Variants in SPPL3 observed in about 807,000 individuals in gnomAD.
SPPL3 encodes the protein signal peptide peptidase like 3, also known as signal peptide peptidase-like 3.
A neutral mutation model predicts 42.4 loss-of-function variants in SPPL3; 5 were observed. The ratio of observed to expected loss-of-function variants is 0.12; its 90% CI spans 0.06 to 0.25. SPPL3 has a LOEUF of 0.25. Ranked by LOEUF, SPPL3 falls within the 10% of genes least tolerant of loss-of-function variation. The probability of loss-of-function intolerance (pLI) is 1.00; values close to 1 mark genes in which losing one functional copy is unlikely to be tolerated. For missense variants in SPPL3, 235 were observed against 489.0 expected (o/e 0.48, Z 4.90); for synonymous variants, 195 against 181.8 (o/e 1.07, Z -0.58).
chr12:120,898,131 G>A (rs574701370), intron 1 of SPPL3, among the ~76,000 whole-genome samples: 2 of 151,708 alleles, frequency 1.3e-5, no homozygotes, highest in South Asian at 4.2e-4. Context: ...GGCCAATATG[G>A]CAAAACCTCA....
chr12:120,837,267 T>G (rs1871652011), intron 1 of SPPL3, among the ~76,000 whole-genome samples: 1 of 152,228 alleles, frequency 6.6e-6, no homozygotes, highest in Non-Finnish European at 1.5e-5. Context: ...AAGCAATAAT[T>G]GTCCCTTCAA....
At chr12:120,867,312 T>A (rs1297877620) in intron 1 of SPPL3, among the ~76,000 whole-genome samples, 1 of 152,210 alleles carries the variant, frequency 6.6e-6, no homozygotes. Flanking sequence ...GGCAATGACA[T>A]CTGCGACAGC....
At chr12:120,815,354 A>G (rs1453145252) in intron 1 of SPPL3, among the ~76,000 whole-genome samples, 1 of 152,228 alleles carries the variant, frequency 6.6e-6, no homozygotes, top group Non-Finnish European at 1.5e-5. Flanking sequence ...TTGCATTAAA[A>G]TTGTAATTAA....
intron 2 of SPPL3, among the ~76,000 whole-genome samples, chr12:120,803,465 T>C (rs1870392353): frequency 6.6e-6 from 1 of 152,192 alleles, no homozygotes; most frequent in Non-Finnish European, 1.5e-5. Flanking sequence ...TGTGAATTAC[T>C]GGAGGAGAAA....
At chr12:120,883,972 A>G (rs1873369246) in intron 1 of SPPL3, among the ~76,000 whole-genome samples, 1 of 152,022 alleles carries the variant, frequency 6.6e-6, no homozygotes, top group East Asian at 1.9e-4. Context: ...GTGGTGGCGC[A>G]TGCCTCTAAT....
At chr12:120,795,089 A>T (rs1285208777) in intron 2 of SPPL3, among the ~76,000 whole-genome samples, 3 of 152,088 alleles carry the variant, frequency 2.0e-5, no homozygotes, top group Non-Finnish European at 4.4e-5. Context: ...ACCTCACAAT[A>T]TATAATGTTT....
chr12:120,886,062 C>A (rs927337261), intron 1 of SPPL3, among the ~76,000 whole-genome samples: 1 of 151,562 alleles, frequency 6.6e-6, no homozygotes, highest in African/African-American at 2.4e-5. Context: ...AGGCTGGTCT[C>A]GAACTCATGA....
At position 120,863,641 on chromosome 12, in the gene SPPL3, T is replaced by C. The variant is rs140668132; in HGVS notation, c.23+40204A>G. On this transcript the variant is annotated intron_variant, in intron 1 of 10. Coordinates refer to ENST00000353487, the MANE Select transcript of SPPL3 (RefSeq NM_139015.5). ...ATTCTTCAATACTGAAATGAAATTC[T>C]ACAGATGGTAGGTTTTTTAATTCTT... 2.7e-3 allele frequency among the ~76,000 whole-genome samples: 412 copies of C among 152,310 alleles called. 7 individuals carry two copies. The highest frequency in any genetic ancestry group is 0.023 in the Admixed American group (348 of 15,304).
intron 2 of SPPL3, among the ~76,000 whole-genome samples, chr12:120,800,180 T>A (rs1346781671): frequency 6.6e-6 from 1 of 152,180 alleles, no homozygotes; most frequent in East Asian, 1.9e-4. Context: ...CCAAATTGTA[T>A]CCTGGCTATT....
intron 1 of SPPL3, among the ~76,000 whole-genome samples, chr12:120,833,541 T>C (rs929158501): frequency 6.6e-6 from 1 of 151,440 alleles, no homozygotes; most frequent in African/African-American, 2.4e-5. Context: ...AATAAAAACA[T>C]GAAACAAGCC....
rs541926651 is a variant in SPPL3 at position 120,891,714 on chromosome 12, C to T, written c.23+12131G>A. Among the ~76,000 whole-genome samples, 30 of 139,712 alleles carry T rather than the reference C, an allele frequency of 2.1e-4. No homozygotes were observed. The South Asian group carries it at 6.3e-3, about 29-fold the overall frequency. The allele number at this position is 139,712 out of a possible 152,430, so 91.7% of individuals were successfully genotyped here. ...TGAGCATGTTACTGAAATTTTTTTC[C>T]CTAAGACTGTTTTGCAAATTCTAAA... On this transcript the variant is annotated intron_variant, in intron 1 of 10. Transcript: ENST00000353487.
chr12:120,889,788 T>C (rs1017810024), intron 1 of SPPL3, among the ~76,000 whole-genome samples: 5 of 129,890 alleles, frequency 3.8e-5, no homozygotes, highest in Non-Finnish European at 8.9e-5. Context: ...ACAAATTAAA[T>C]AGTGATTGTT....
chr12:120,823,199 A>AGT (rs1306921654), intron 1 of SPPL3, among the ~76,000 whole-genome samples: 3 of 43,232 alleles, frequency 6.9e-5, no homozygotes, highest in African/African-American at 1.5e-4. Flanking sequence ...AGAGACGGAG[A>AGT]GTGTGTGTGT....
intron 1 of SPPL3, among the ~76,000 whole-genome samples, chr12:120,873,736 G>GC (rs1872996754): frequency 6.6e-6 from 1 of 152,048 alleles, no homozygotes; most frequent in African/African-American, 2.4e-5. Context: ...GCTGGGTGTG[G>GC]TGGCACGTGC....
chr12:120,820,009 C>A (rs2137008169), intron 1 of SPPL3, among the ~76,000 whole-genome samples: 1 of 152,244 alleles, frequency 6.6e-6, no homozygotes, highest in Admixed American at 6.5e-5. Flanking sequence ...AACCGTATGA[C>A]CCTATGGACC....
At chr12:120,861,370 G>A (rs546833473) in intron 1 of SPPL3, among the ~76,000 whole-genome samples, 12 of 152,300 alleles carry the variant, frequency 7.9e-5, no homozygotes, top group African/African-American at 2.9e-4. Flanking sequence ...GAAAAAGGAA[G>A]GAGACAAAGT....
At chr12:120,869,001 T>C (rs1431984842) in intron 1 of SPPL3, among the ~76,000 whole-genome samples, 1 of 152,176 alleles carries the variant, frequency 6.6e-6, no homozygotes, top group East Asian at 1.9e-4. Context: ...ATATTGAAAT[T>C]ATATTAATAG....
chr12:120,884,552 A>T (rs199943251), intron 1 of SPPL3, among the ~76,000 whole-genome samples: 4 of 22,674 alleles, frequency 1.8e-4, no homozygotes, highest in East Asian at 7.5e-3. Context: ...GTATAATTTA[A>T]AAAAAAAAAA....
chr12:120,893,989 T>C (rs1426328604), intron 1 of SPPL3, among the ~76,000 whole-genome samples: 2 of 152,228 alleles, frequency 1.3e-5, no homozygotes, highest in Non-Finnish European at 2.9e-5. Context: ...ACAACTAATC[T>C]TTACTTCTAA....
Sources: gnomAD v4.1 joint callset for allele counts (sites outside exome capture counted in the v4.1 genomes callset) on GRCh38, gnomAD v4.1.1 for gene constraint, MANE v1.5 for transcripts, NCBI Gene and HGNC (gene_info 2026-07-23, HGNC 2026-07-21) for gene names.